Variants in PITPNB observed in about 807,000 individuals in gnomAD.
PITPNB encodes phosphatidylinositol transfer protein beta isoform.
Under a neutral mutation model 45.9 loss-of-function variants are expected in PITPNB, and 16 were observed. That is an observed-to-expected ratio of 0.35 (90% CI 0.24 to 0.53). The LOEUF is 0.53. Ranked by LOEUF, PITPNB falls within the 20% of genes least tolerant of loss-of-function variation. PITPNB has a pLI of 0.93. For synonymous variants in PITPNB, 112 were observed against 108.9 expected (o/e 1.03, Z -0.18); for missense variants, 188 against 330.5 (o/e 0.57, Z 3.34).
chr22:27,878,756 T>C (rs559963014), intron 7 of PITPNB, among the ~76,000 whole-genome samples: 56 of 152,330 alleles, frequency 3.7e-4, no homozygotes, highest in African/African-American at 1.3e-3. Context: ...TTCAGAAGCA[T>C]TCATTTGCAT....
rs1476798189 is a variant in PITPNB, at chr22:27,896,845, G to A, written c.298-219C>T. 1.5e-5 allele frequency: 9 copies of A among 603,992 alleles called. No individual in the cohort carries two copies. The East Asian group carries it at 1.7e-4, about 11-fold the overall frequency. 37.4% of individuals were successfully genotyped at this position (603,992 alleles called of 1,614,324 possible). On this transcript the variant is annotated intron_variant, in intron 5 of 11. Transcript: ENST00000335272. ...TAATTTAAACAATTCTACTTGCCAC[G>A]TGGCATATCGGGCTAATAAAGAAGC...
intron 7 of PITPNB, among the ~76,000 whole-genome samples, chr22:27,887,311 C>T (rs987401580): frequency 6.6e-6 from 1 of 152,206 alleles, no homozygotes; most frequent in African/African-American, 2.4e-5. Context: ...GTTCTAGCTA[C>T]AGCCTCCTAG....
At position 27,853,557 on chromosome 22, in the gene PITPNB, T is replaced by C. The variant is rs2146341052; in HGVS notation, c.*145A>G. ...AGAACCTGTGCATGTGTGTGTATCATCACAAGCACACATCTGGGAAACGTC... is the reference window on the plus strand; with the variant it reads ...AGAACCTGTGCATGTGTGTGTATCACCACAAGCACACATCTGGGAAACGTC... On this transcript the variant is annotated 3_prime_UTR_variant, in exon 12 of 12. Transcript: ENST00000335272. 7.5e-7 allele frequency: 1 copy of C among 1,338,916 alleles called. No homozygotes were observed. Among genetic ancestry groups the C allele is most frequent in the South Asian group, 1.3e-5 (1 of 79,896 alleles). The allele number at this position is 1,338,916 out of a possible 1,614,324, so 82.9% of individuals were successfully genotyped here.
At chr22:27,911,928 G>C (rs138602498) in intron 2 of PITPNB, among the ~76,000 whole-genome samples, 14 of 152,158 alleles carry the variant, frequency 9.2e-5, no homozygotes, top group African/African-American at 3.4e-4. Context: ...TATTTTCTAC[G>C]CCAATCTGGA....
At chr22:27,873,000 G>C (rs1934712152) in intron 8 of PITPNB, among the ~76,000 whole-genome samples, 1 of 152,222 alleles carries the variant, frequency 6.6e-6, no homozygotes. Flanking sequence ...GGGCGCAGTG[G>C]CTCATGCCTG....
intron 7 of PITPNB, 37 bp from the exon 8 acceptor site, chr22:27,873,852 A>C: frequency 7.3e-7 from 1 of 1,364,376 alleles, no homozygotes; most frequent in South Asian, 1.2e-5. Flanking sequence ...AGAGAAGAAA[A>C]CCAGAGAATA....
At chr22:27,892,784 G>T (rs562747029) in intron 7 of PITPNB, among the ~76,000 whole-genome samples, 1 of 152,016 alleles carries the variant, frequency 6.6e-6, no homozygotes, top group Non-Finnish European at 1.5e-5. Context: ...AAACAACTTC[G>T]AATCACAGCA....
chr22:27,881,237 C>T (rs1934963136), intron 7 of PITPNB, among the ~76,000 whole-genome samples: 1 of 152,142 alleles, frequency 6.6e-6, no homozygotes, highest in Non-Finnish European at 1.5e-5. Context: ...ATGAGACAGG[C>T]GTTTGGCAAA....
intron 8 of PITPNB, among the ~76,000 whole-genome samples, chr22:27,867,174 T>C (rs1934507668): frequency 1.3e-5 from 2 of 152,148 alleles, no homozygotes; most frequent in African/African-American, 2.4e-5. Flanking sequence ...CCTCCCTGCT[T>C]GGCACTGACC....
chr22:27,909,207 CTTTTTTTTTTTTT>C (rs34224616), intron 3 of PITPNB, among the ~76,000 whole-genome samples: 1 of 82,246 alleles, frequency 1.2e-5, no homozygotes, highest in African/African-American at 5.0e-5. Flanking sequence ...ACTGGTAGTA[CTTTTTTTTTTTTT>C]TTTTTTTTTG....
At position 27,873,689 on chromosome 22, in the gene PITPNB, G is replaced by C. The variant is rs1157976641; in HGVS notation, c.534+49C>G. The C allele has an allele frequency of 2.7e-6, 3 of 1,092,716 alleles. No homozygotes were observed. In the South Asian group the frequency reaches 3.7e-5, roughly 14 times the overall value. The allele number at this position is 1,092,716 out of a possible 1,614,324, so 67.7% of individuals were successfully genotyped here. A position where few individuals can be genotyped will look rare whatever the true frequency, so the allele number is the denominator to read the frequency against. ...CTCTTCAAGACTCAGGACCTGTCAA[G>C]TGTTCTGTTGCCAAGACTCTGCCTG... On this transcript the variant is annotated intron_variant, in intron 8 of 11. Coordinates refer to ENST00000335272, the MANE Select transcript of PITPNB (RefSeq NM_012399.5).
At chr22:27,891,171 T>C (rs943708991) in intron 7 of PITPNB, among the ~76,000 whole-genome samples, 2 of 152,206 alleles carry the variant, frequency 1.3e-5, no homozygotes, top group African/African-American at 2.4e-5. Flanking sequence ...TGCAGGACCC[T>C]GTTAATGTAC....
intron 8 of PITPNB, among the ~76,000 whole-genome samples, chr22:27,866,814 T>C (rs753047346): frequency 1.4e-4 from 22 of 152,214 alleles, no homozygotes; most frequent in Non-Finnish European, 3.2e-4. Context: ...GATTCTGTGA[T>C]GTTAAGTTTC....
rs1423082791 is a variant in PITPNB at position 27,852,834 on chromosome 22, C to T, written c.*868G>A. ...CTAATTTCTTCATCAATGTGTTTGT[C>T]TAACAGGAGCCTGAAAACTGTCTAG... On this transcript the variant is annotated 3_prime_UTR_variant, in exon 12 of 12. Coordinates refer to ENST00000335272, the MANE Select transcript of PITPNB (RefSeq NM_012399.5). 1 of 152,620 alleles carries T rather than the reference C, an allele frequency of 6.6e-6. No homozygotes were observed. Among genetic ancestry groups the T allele is most frequent in the Non-Finnish European group, 1.5e-5 (1 of 68,040 alleles). 9.5% of individuals were successfully genotyped at this position (152,620 alleles called of 1,614,324 possible).
chr22:27,866,458 A>G (rs1934488224), intron 8 of PITPNB, among the ~76,000 whole-genome samples: 1 of 152,234 alleles, frequency 6.6e-6, no homozygotes, highest in African/African-American at 2.4e-5. Flanking sequence ...TAACTGGAGG[A>G]GTGAGCAATC....
intron 7 of PITPNB, among the ~76,000 whole-genome samples, chr22:27,877,764 G>C (rs189505307): frequency 2.6e-5 from 4 of 152,162 alleles, no homozygotes; most frequent in East Asian, 3.9e-4. Flanking sequence ...AGTAGGAGGT[G>C]GGGGGCAGGC....
intron 8 of PITPNB, among the ~76,000 whole-genome samples, chr22:27,864,212 C>T (rs1601381071): frequency 2.0e-5 from 3 of 152,182 alleles, no homozygotes; most frequent in Non-Finnish European, 2.9e-5. Flanking sequence ...AGTTCTCATA[C>T]AATTCTCAAA....
At chr22:27,883,249 G>C (rs1445997849) in intron 7 of PITPNB, among the ~76,000 whole-genome samples, 3 of 152,298 alleles carry the variant, frequency 2.0e-5, no homozygotes, top group Middle Eastern at 3.4e-3. Flanking sequence ...AGTTGTTCTC[G>C]AATGACAAAA....
At chr22:27,859,206 A>G (rs1412000144) in intron 9 of PITPNB, among the ~76,000 whole-genome samples, 5 of 152,214 alleles carry the variant, frequency 3.3e-5, no homozygotes, top group African/African-American at 1.2e-4. Flanking sequence ...TGTGACTTCT[A>G]TTTATCAGAA....
Sources: gnomAD v4.1 joint callset for allele counts (sites outside exome capture counted in the v4.1 genomes callset) on GRCh38, gnomAD v4.1.1 for gene constraint, MANE v1.5 for transcripts, NCBI Gene and HGNC (gene_info 2026-07-23, HGNC 2026-07-21) for gene names.